Variants in ADCY1 observed in about 807,000 individuals in gnomAD.
ADCY1 encodes the protein adenylate cyclase 1, also known as adenylate cyclase type 1.
In ADCY1, 28 loss-of-function variants were observed where a neutral mutation model predicts 105.4. That is an observed-to-expected ratio of 0.27 (90% CI 0.20 to 0.36). The LOEUF (loss-of-function observed/expected upper bound fraction) is 0.36. ADCY1 is among the 10% of genes least tolerant of loss of function. ADCY1 has a pLI of 1.00. For missense variants in ADCY1, 977 were observed against 1,434.2 expected, an observed-to-expected ratio of 0.68 and a Z score of 5.15; for synonymous variants, 655 against 623.8, an observed-to-expected ratio of 1.05 and a Z score of -0.75.
At chr7:45,696,897 T>C (rs1784893166) in intron 14 of ADCY1, among the ~76,000 whole-genome samples, 1 of 152,188 alleles carries the variant, frequency 6.6e-6, no homozygotes, top group African/African-American at 2.4e-5. Context: ...GAAGACAGAA[T>C]GCCATGAAGG....
At position 45,701,586 on chromosome 7, in the gene ADCY1, T is replaced by G. The variant is rs78313696; in HGVS notation, c.2455-1790T>G. ...TTATTTTAGAAAATATTCTTCACTT[T>G]CTGTTTATGTCACCCTTTACAAACC... On this transcript the variant is annotated intron_variant, in intron 14 of 19. Transcript: ENST00000297323. Among the ~76,000 whole-genome samples, 1,308 of 152,352 alleles carry G rather than the reference T, an allele frequency of 8.6e-3. 23 individuals carry two copies. The highest frequency in any genetic ancestry group is 0.03 in the African/African-American group (1,243 of 41,574).
Position 45,718,237 on chromosome 7 carries a change from C to T in ADCY1, c.*4242C>T, listed in dbSNP as rs971647008. ...AATTGATGAGCCTCAGTACTGGCCT[C>T]ACACTGACCAACGGTGGTATGCTGC... On this transcript the variant is annotated 3_prime_UTR_variant, in exon 20 of 20. Coordinates refer to ENST00000297323, the MANE Select transcript of ADCY1 (RefSeq NM_021116.4). 8 of 152,346 alleles carry T rather than the reference C, an allele frequency of 5.3e-5. No individual in the cohort carries two copies. Among genetic ancestry groups the T allele is most frequent in the Non-Finnish European group, 7.3e-5 (5 of 68,126 alleles). The allele number at this position is 152,346 out of a possible 1,614,324, so 9.4% of individuals were successfully genotyped here.
chr7:45,574,612 G>T lies in ADCY1; in HGVS notation c.69G>T (p.Arg23=), dbSNP rs1792267267. The T allele has an allele frequency of 8.7e-7, 1 of 1,154,856 alleles. No individual in the cohort carries two copies. 71.5% of individuals were successfully genotyped at this position (1,154,856 alleles called of 1,614,324 possible). A position where few individuals can be genotyped will look rare whatever the true frequency, so the allele number is the denominator to read the frequency against. Residue 23 remains arginine, a synonymous_variant, in exon 1 of 20, where the codon CGG becomes CGT. Transcript: ENST00000297323. The surrounding 1 kb of genome is among the most constrained non-coding windows in gnomAD (Gnocchi z 7.0). ...GGAGEPGGAE[R]AAGTSRRRGL... ...CGGGCGAGCCCGGGGGCGCCGAGCG[G>T]GCGGCCGGGACAAGCCGCCGGCGCG...
chr7:45,660,301 TG>T lies in ADCY1; in HGVS notation c.1449+119del, dbSNP rs1198427713. On this transcript the variant is annotated intron_variant, in intron 7 of 19. Coordinates refer to ENST00000297323, the MANE Select transcript of ADCY1 (RefSeq NM_021116.4). The stretch of plus-strand genomic sequence containing the variant: ...GCACTGCTTCTCTGGGCTGTGAACT[TG>T]CTAAGATGGGGAGAGTTGTCCCCAC... 34 of 1,408,544 alleles carry T rather than the reference TG, an allele frequency of 2.4e-5. No individual in the cohort carries two copies. In the East Asian group the frequency reaches 3.0e-4, roughly 12 times the overall value. The allele number at this position is 1,408,544 out of a possible 1,614,324, so 87.3% of individuals were successfully genotyped here.
intron 4 of ADCY1, among the ~76,000 whole-genome samples, chr7:45,633,962 T>C (rs780279844): frequency 1.3e-4 from 20 of 152,280 alleles, no homozygotes; most frequent in Non-Finnish European, 2.4e-4. Context: ...AATGGTAGGC[T>C]ATTGGTAGCT....
chr7:45,605,040 GTTTTGTTAGA>G (rs1793337294), intron 2 of ADCY1, among the ~76,000 whole-genome samples: 1 of 152,072 alleles, frequency 6.6e-6, no homozygotes, highest in Admixed American at 6.5e-5. Context: ...TCCTATACAT[GTTTTGTTAGA>G]TTTACACCTC....
rs985907628 is a variant in ADCY1 at position 45,710,784 on chromosome 7, G to C, written c.3057+132G>C. On this transcript the variant is annotated intron_variant, in intron 19 of 19. Coordinates refer to ENST00000297323, the MANE Select transcript of ADCY1 (RefSeq NM_021116.4). The surrounding 1 kb of genome is among the most constrained non-coding windows in gnomAD (Gnocchi z 4.7). The stretch of plus-strand genomic sequence containing the variant: ...CAGGGCAGAAAGAGCTGCATATTTC[G>C]GTCTGTCTGCTCTGGAGGGCATCCT... 1.6e-6 allele frequency: 2 copies of C among 1,282,214 alleles called. No individual in the cohort carries two copies. The highest frequency in any genetic ancestry group is 3.1e-5 in the African/African-American group (2 of 65,570). 79.4% of individuals were successfully genotyped at this position (1,282,214 alleles called of 1,614,324 possible).
intron 8 of ADCY1, among the ~76,000 whole-genome samples, chr7:45,662,468 C>T (rs1316599862): frequency 6.6e-6 from 1 of 152,170 alleles, no homozygotes; most frequent in East Asian, 1.9e-4. Context: ...TCCATAAATT[C>T]AAGCTAAAAT....
At chr7:45,668,853 T>A (rs931157096) in intron 8 of ADCY1, among the ~76,000 whole-genome samples, 1 of 152,226 alleles carries the variant, frequency 6.6e-6, no homozygotes, top group African/African-American at 2.4e-5. Context: ...CCTGGTTTAG[T>A]CTTGGGAGGG....
chr7:45,607,604 C>T (rs1207728644), intron 2 of ADCY1, among the ~76,000 whole-genome samples: 8 of 152,166 alleles, frequency 5.3e-5, no homozygotes, highest in Non-Finnish European at 7.3e-5. Flanking sequence ...CTCCGTCCCT[C>T]TCTCCTCCTT....
chr7:45,625,930 A>G (rs1443475137), intron 4 of ADCY1, among the ~76,000 whole-genome samples: 1 of 152,146 alleles, frequency 6.6e-6, no homozygotes, highest in Non-Finnish European at 1.5e-5. Flanking sequence ...GCACTCTGCT[A>G]TTTGCTTCTC....
At chr7:45,654,735 G>C (rs1794894377) in intron 5 of ADCY1, among the ~76,000 whole-genome samples, 1 of 152,228 alleles carries the variant, frequency 6.6e-6, no homozygotes, top group Non-Finnish European at 1.5e-5. Context: ...TTCTGTGGGA[G>C]AGGTGATGCC....
At chr7:45,576,790 C>A (rs1792362503) in intron 1 of ADCY1, among the ~76,000 whole-genome samples, 1 of 152,158 alleles carries the variant, frequency 6.6e-6, no homozygotes, top group Non-Finnish European at 1.5e-5. Context: ...TGACCAGATG[C>A]CAGGGCAGCT....
At chr7:45,711,553 A>G (rs1785230179) in intron 19 of ADCY1, among the ~76,000 whole-genome samples, 2 of 148,930 alleles carry the variant, frequency 1.3e-5, no homozygotes, top group Non-Finnish European at 3.0e-5. Context: ...GGCATTAAAT[A>G]TATTTACATG....
chr7:45,597,612 A>G (rs564914429), intron 2 of ADCY1, among the ~76,000 whole-genome samples: 3 of 152,324 alleles, frequency 2.0e-5, no homozygotes, highest in South Asian at 2.1e-4. Flanking sequence ...TTTAGTGTCA[A>G]TAGCCCTGCG....
intron 2 of ADCY1, among the ~76,000 whole-genome samples, chr7:45,605,746 CTTTA>C (rs1228537568): frequency 6.6e-6 from 1 of 152,030 alleles, no homozygotes; most frequent in Non-Finnish European, 1.5e-5. Flanking sequence ...ATTCGTAGTT[CTTTA>C]TTTAGTCATT....
chr7:45,710,035 C>A lies in ADCY1; in HGVS notation c.2933-493C>A, dbSNP rs192856803. ...TCTCCTCCCTTCAGAGCATTCTGCACCATCTTGCTTAGTTATGGGGCCCAT... is the reference window on the plus strand; with the variant it reads ...TCTCCTCCCTTCAGAGCATTCTGCAACATCTTGCTTAGTTATGGGGCCCAT... On this transcript the variant is annotated intron_variant, in intron 18 of 19. Transcript: ENST00000297323. The surrounding 1 kb of genome is among the most constrained non-coding windows in gnomAD (Gnocchi z 4.7). Among the ~76,000 whole-genome samples the A allele has an allele frequency of 4.7e-4, 72 of 152,326 alleles. No individual in the cohort carries two copies. The highest frequency in any genetic ancestry group is 3.4e-3 in the Middle Eastern group (1 of 294).
Position 45,679,693 on chromosome 7 carries a change from G to T in ADCY1, c.1899-16G>T. On this transcript the variant is annotated splice_polypyrimidine_tract_variant and intron_variant, in intron 10 of 19. Coordinates refer to ENST00000297323, the MANE Select transcript of ADCY1 (RefSeq NM_021116.4). ...ATCCCCACCTATCAGTGACTCTCAT[G>T]TTTTCTGTCCCCCAGGAGTGTGGTC... 6.2e-7 allele frequency: 1 copy of T among 1,614,140 alleles called. No homozygotes were observed. The highest frequency in any genetic ancestry group is 1.1e-5 in the South Asian group (1 of 91,076).
intron 1 of ADCY1, among the ~76,000 whole-genome samples, chr7:45,579,943 C>T (rs560684379): frequency 2.2e-4 from 33 of 148,974 alleles, no homozygotes; most frequent in African/African-American, 7.3e-4. Context: ...GAAACTGCCC[C>T]GTCCCCCCCT....
Sources: allele counts gnomAD v4.1 joint callset (sites outside exome capture counted in the v4.1 genomes callset), GRCh38; gene constraint gnomAD v4.1.1; non-coding constraint Gnocchi (gnomAD v3.1); transcripts MANE v1.5; gene names NCBI Gene and HGNC (gene_info 2026-07-23, HGNC 2026-07-21).